Variants in CXorf38 observed in about 807,000 individuals in gnomAD.
The protein encoded by CXorf38 is uncharacterized protein CXorf38.
Under a neutral mutation model 27.5 loss-of-function variants are expected in CXorf38, and 13 were observed. The ratio of observed to expected loss-of-function variants is 0.47; its 90% CI spans 0.31 to 0.75. The LOEUF (loss-of-function observed/expected upper bound fraction) is 0.75. Among genes scored for constraint, CXorf38 ranks in the 30% least tolerant of loss-of-function variants. The probability of loss-of-function intolerance (pLI) is 0.05; values close to 1 mark genes in which losing one functional copy is unlikely to be tolerated. For synonymous variants in CXorf38, 100 were observed against 99.8 expected (o/e 1.00, Z -0.01); for missense variants, 240 against 253.2 (o/e 0.95, Z 0.35).
rs769294258 is a variant in CXorf38 at position 40,647,554 on chromosome X, T to TGGCGGACGGCAGTGCGCAGGCGC, written c.-35_-34insGCGCCTGCGCACTGCCGTCCGCC. 1.1e-5 allele frequency: 13 copies of TGGCGGACGGCAGTGCGCAGGCGC among 1,165,524 alleles called. No individual in the cohort carries two copies. Among genetic ancestry groups the TGGCGGACGGCAGTGCGCAGGCGC allele is most frequent in the Non-Finnish European group, 1.5e-5 (13 of 879,261 alleles). On this transcript the variant is annotated 5_prime_UTR_variant, in exon 1 of 7. Coordinates refer to ENST00000327877, the MANE Select transcript of CXorf38 (RefSeq NM_144970.3). ...CTTGGAACCAGGAGGTTGCGGGGCG[T>TGGCGGACGGCAGTGCGCAGGCGC]GGCGGACGGCAGTGCGCAGGCGCGG... is the stretch of plus-strand genomic sequence containing the variant.
chrX:40,628,736 T>C lies in CXorf38; in HGVS notation c.*1428A>G, dbSNP rs923105416. On this transcript the variant is annotated 3_prime_UTR_variant, in exon 7 of 7. Coordinates refer to ENST00000327877, the MANE Select transcript of CXorf38 (RefSeq NM_144970.3). ...ATAGTATAACTAACATTTAGGCCTGTGAATACTCCCAAGCTATGAGGGGAC... is the reference window on the plus strand; with the variant it reads ...ATAGTATAACTAACATTTAGGCCTGCGAATACTCCCAAGCTATGAGGGGAC... 8.9e-6 allele frequency: 1 copy of C among 112,375 alleles called. No individual in the cohort carries two copies. The highest frequency in any genetic ancestry group is 3.2e-5 in the African/African-American group (1 of 30,951). 9.3% of individuals were successfully genotyped at this position (112,375 alleles called of 1,213,427 possible).
chrX:40,632,384 C>T (rs1390505761), intron 5 of CXorf38, among the ~76,000 whole-genome samples: 1 of 112,162 alleles, frequency 8.9e-6, no homozygotes, highest in East Asian at 2.8e-4. Flanking sequence ...TTTTCTTTTG[C>T]TCATGGTTTC....
intron 2 of CXorf38, 65 bp downstream of exon 2, chrX:40,646,942 G>A (rs1047805232): frequency 2.2e-5 from 25 of 1,154,413 alleles, no homozygotes; most frequent in Non-Finnish European, 2.9e-5. Flanking sequence ...CACAAGACCA[G>A]ATAGCCACCC....
At position 40,639,132 on chromosome X, in the gene CXorf38, T is replaced by C. The variant is rs1569271242; in HGVS notation, c.352-4A>G. ...CTAGTCCTCGGGGCATGAAGGCCTA[T>C]AGCAAGGGAGGGAGGAGGGGGACCT... On this transcript the variant is annotated splice_polypyrimidine_tract_variant and splice_region_variant and intron_variant, in intron 2 of 6. Transcript: ENST00000327877. 3.3e-6 allele frequency: 4 copies of C among 1,208,606 alleles called. No homozygotes were observed. Among genetic ancestry groups the C allele is most frequent in the East Asian group, 3.0e-5 (1 of 33,738 alleles).
At chrX:40,645,324 G>A (rs1928523736) in intron 2 of CXorf38, among the ~76,000 whole-genome samples, 1 of 111,224 alleles carries the variant, frequency 9.0e-6, no homozygotes, top group South Asian at 3.7e-4. Flanking sequence ...CTGAGAGGAT[G>A]GGGTTGGACT....
In CXorf38 at chrX:40,647,536, C is replaced by T. The variant is rs754399133; in HGVS notation, c.-16G>A. The T allele has an allele frequency of 4.2e-6, 5 of 1,177,155 alleles. No individual in the cohort carries two copies. In the South Asian group the frequency reaches 9.2e-5, roughly 22 times the overall value. ...ACAGCACCATGTCTCCCACTTGGAA[C>T]CAGGAGGTTGCGGGGCGTGGCGGAC... On this transcript the variant is annotated 5_prime_UTR_variant, in exon 1 of 7. Coordinates refer to ENST00000327877, the MANE Select transcript of CXorf38 (RefSeq NM_144970.3).
At position 40,633,519 on chromosome X, in the gene CXorf38, T is replaced by TAGTATCTGTCTCCCAGATACTAAAC. The variant is rs752914097; in HGVS notation, c.802-2771_802-2747dup. Among the ~76,000 whole-genome samples the TAGTATCTGTCTCCCAGATACTAAAC allele has an allele frequency of 2.1e-3, 236 of 111,761 alleles. 1 individual carries two copies. The highest frequency in any genetic ancestry group is 7.5e-3 in the African/African-American group (232 of 30,742). On this transcript the variant is annotated intron_variant, in intron 5 of 6. Coordinates refer to ENST00000327877, the MANE Select transcript of CXorf38 (RefSeq NM_144970.3). ...TCATTACCTTATTATGTTTACTGTT[T>TAGTATCTGTCTCCCAGATACTAAAC]AGTATCTGTCTCCCAGATACTAAAC...
At chrX:40,644,897 A>C (rs1442603943) in intron 2 of CXorf38, among the ~76,000 whole-genome samples, 2 of 112,281 alleles carry the variant, frequency 1.8e-5, no homozygotes, top group African/African-American at 6.5e-5. Flanking sequence ...CTCATGATCA[A>C]GAATGAAAGT....
rs868574477 is a variant in CXorf38, at chrX:40,646,242, G to A, written c.351+765C>T. On this transcript the variant is annotated intron_variant, in intron 2 of 6. Transcript: ENST00000327877. ...ATTACAGGCGTGAGCCACTGCGCCCGGCCGTCCTTTCATTTTTGAGATTGG... is the reference window on the plus strand; with the variant it reads ...ATTACAGGCGTGAGCCACTGCGCCCAGCCGTCCTTTCATTTTTGAGATTGG... 1.5e-3 allele frequency among the ~76,000 whole-genome samples: 4 copies of A among 2,670 alleles called. No homozygotes were observed. In the African/African-American group the frequency reaches 0.029, roughly 19 times the overall value. The allele number at this position is 2,670 out of a possible 115,157, so 2.3% of individuals were successfully genotyped here. A position where few individuals can be genotyped will look rare whatever the true frequency, so the allele number is the denominator to read the frequency against.
chrX:40,645,752 G>T (rs914918524), intron 2 of CXorf38, among the ~76,000 whole-genome samples: 1 of 110,956 alleles, frequency 9.0e-6, no homozygotes, highest in Non-Finnish European at 1.9e-5. Flanking sequence ...GAGTAGCTGG[G>T]ACTACAGGCA....
In CXorf38 at chrX:40,630,092, A is replaced by G. The variant is rs1223967060; in HGVS notation, c.*72T>C. The G allele has an allele frequency of 3.6e-5, 4 of 112,642 alleles. No homozygotes were observed. Among genetic ancestry groups the G allele is most frequent in the African/African-American group, 1.3e-4 (4 of 30,955 alleles). The allele number at this position is 112,642 out of a possible 1,213,427, so 9.3% of individuals were successfully genotyped here. Reference sequence around the variant, plus strand: ...CTCTGGTAACTTTTTCCTTTTGCACAGAAAAGGATGTCTGAGATGGAAGCC... The same window carrying G: ...CTCTGGTAACTTTTTCCTTTTGCACGGAAAAGGATGTCTGAGATGGAAGCC... On this transcript the variant is annotated 3_prime_UTR_variant, in exon 7 of 7. Coordinates refer to ENST00000327877, the MANE Select transcript of CXorf38 (RefSeq NM_144970.3).
chrX:40,635,862 C>A (rs1203980626), intron 5 of CXorf38, among the ~76,000 whole-genome samples: 2 of 112,329 alleles, frequency 1.8e-5, no homozygotes, highest in Non-Finnish European at 3.8e-5. Context: ...CTTCACACGA[C>A]TGCAAGAGCC....
intron 2 of CXorf38, chrX:40,640,400 A>G (rs188860563): frequency 8.7e-4 from 191 of 218,590 alleles, no homozygotes; most frequent in Non-Finnish European, 1.4e-3. Flanking sequence ...TTGAAAACAC[A>G]TATCAATAGG....
intron 2 of CXorf38, among the ~76,000 whole-genome samples, chrX:40,643,770 A>G (rs1230356295): frequency 8.9e-6 from 1 of 112,042 alleles, no homozygotes; most frequent in Non-Finnish European, 1.9e-5. Flanking sequence ...TTGGCCTCCC[A>G]AAGTGCTGGG....
At chrX:40,637,198 A>G in intron 3 of CXorf38, 42 bp from the exon 4 acceptor site, 1 of 992,660 alleles carries the variant, frequency 1.0e-6, no homozygotes, top group Non-Finnish European at 1.4e-6. Flanking sequence ...AAATCAAACA[A>G]TGGGGTAAAC....
chrX:40,638,919 G>A, intron 3 of CXorf38, 90 bp downstream of exon 3: 1 of 1,028,504 alleles, frequency 9.7e-7, no homozygotes, highest in South Asian at 2.2e-5. Flanking sequence ...CTGCATGGTT[G>A]GCTTAGCATC....
In CXorf38 at chrX:40,647,496, G is replaced by A; in HGVS notation, c.25C>T (p.Arg9Cys). The stretch of plus-strand genomic sequence containing the variant: ...TTCTTGTACTCGGCGCAGTTGAGGC[G>A]CGCCGCTAGCTCCGACAGCACCATG... MVLSELAA[R>C]LNCAEYKNWV... Residue 9 changes from arginine (R) to cysteine (C), a missense_variant, in exon 1 of 7, where the codon CGC (arginine) becomes TGC (cysteine). By Grantham distance (180) the Arg-to-Cys change is radical. Coordinates refer to ENST00000327877, the MANE Select transcript of CXorf38 (RefSeq NM_144970.3). The A allele has an allele frequency of 8.4e-7, 1 of 1,187,354 alleles. No individual in the cohort carries two copies. The highest frequency in any genetic ancestry group is 1.8e-5 in the South Asian group (1 of 54,835).
chrX:40,632,036 C>G (rs1312698885), intron 5 of CXorf38, among the ~76,000 whole-genome samples: 1 of 111,826 alleles, frequency 8.9e-6, no homozygotes, highest in African/African-American at 3.3e-5. Context: ...AATCTGGAAA[C>G]CAGAGACATG....
In CXorf38 at chrX:40,637,066, A is replaced by C; in HGVS notation, c.562T>G (p.Phe188Val). ...LRDFQMKIQN[F>V]LNEFKNIPEI... ...GGGATGTTCTTGAATTCATTCAGAA[A>C]ATTTTGGATCTTCATCTGAAAATCT... Residue 188 changes from phenylalanine (F) to valine (V), a missense_variant, in exon 4 of 7, where the codon TTT becomes GTT. Phe to Val is a conservative substitution (Grantham distance 50). Coordinates refer to ENST00000327877, the MANE Select transcript of CXorf38 (RefSeq NM_144970.3). 8.3e-7 allele frequency: 1 copy of C among 1,206,348 alleles called. No individual in the cohort carries two copies. Among genetic ancestry groups the C allele is most frequent in the Non-Finnish European group, 1.1e-6 (1 of 890,964 alleles).
Sources: allele counts gnomAD v4.1 joint callset (sites outside exome capture counted in the v4.1 genomes callset), GRCh38; gene constraint gnomAD v4.1.1; transcripts MANE v1.5; gene names NCBI Gene and HGNC (gene_info 2026-07-23, HGNC 2026-07-21).